SCAI: variants seen among roughly 807,000 people sequenced by gnomAD.
SCAI encodes the protein protein SCAI.
In SCAI, 24 loss-of-function variants were observed where a neutral mutation model predicts 92.2. The observed-to-expected ratio is 0.26, with a 90% confidence interval of 0.19 to 0.37. The LOEUF is 0.37. SCAI is among the 10% of genes least tolerant of loss of function. The pLI, the probability that SCAI is intolerant of heterozygous loss-of-function variation, is 1.00. For synonymous variants in SCAI, 261 were observed against 258.6 expected, an observed-to-expected ratio of 1.01 and a Z score of -0.09; for missense variants, 450 against 736.2, an observed-to-expected ratio of 0.61 and a Z score of 4.50.
intron 9 of SCAI, among the ~76,000 whole-genome samples, chr9:125,017,361 G>T (rs1832781254): frequency 6.6e-6 from 1 of 151,918 alleles, no homozygotes. Flanking sequence ...TTAAAAAAAA[G>T]TGAGAAAAAT....
At chr9:125,000,725 G>A (rs1367379742) in intron 12 of SCAI, among the ~76,000 whole-genome samples, 1 of 151,170 alleles carries the variant, frequency 6.6e-6, no homozygotes, top group Non-Finnish European at 1.5e-5. Context: ...AAAAATATTT[G>A]AATAGAATTT....
intron 6 of SCAI, among the ~76,000 whole-genome samples, chr9:125,025,742 C>T (rs1026557048): frequency 1.3e-5 from 2 of 152,100 alleles, no homozygotes; most frequent in African/African-American, 4.8e-5. Flanking sequence ...TGCAAACGCC[C>T]CTAGACAAGT....
chr9:125,115,387 A>AAC (rs1835023311), intron 2 of SCAI, among the ~76,000 whole-genome samples: 2 of 151,200 alleles, frequency 1.3e-5, no homozygotes. Flanking sequence ...AAAAAAAAAA[A>AAC]AAAAAAACTC....
intron 2 of SCAI, among the ~76,000 whole-genome samples, chr9:125,132,185 C>T (rs1169275902): frequency 6.6e-6 from 1 of 151,512 alleles, no homozygotes; most frequent in Non-Finnish European, 1.5e-5. Flanking sequence ...ACGATCTTGG[C>T]TCACTGCAAC....
chr9:125,074,563 T>G (rs1834049619), intron 2 of SCAI, among the ~76,000 whole-genome samples: 1 of 151,464 alleles, frequency 6.6e-6, no homozygotes, highest in South Asian at 2.1e-4. Context: ...TTCTGCCTTA[T>G]TTTCAGAATA....
intron 2 of SCAI, among the ~76,000 whole-genome samples, chr9:125,070,710 T>C (rs1462845841): frequency 1.3e-5 from 2 of 152,154 alleles, no homozygotes; most frequent in Admixed American, 1.3e-4. Flanking sequence ...AAACAATCTT[T>C]TTGTCTTATT....
At chr9:125,086,643 T>C (rs1834330552) in intron 2 of SCAI, among the ~76,000 whole-genome samples, 1 of 152,212 alleles carries the variant, frequency 6.6e-6, no homozygotes, top group African/African-American at 2.4e-5. Context: ...TGCAGATTAA[T>C]TATCAGGAGA....
intron 2 of SCAI, among the ~76,000 whole-genome samples, chr9:125,076,958 T>C (rs759392518): frequency 6.6e-6 from 1 of 152,066 alleles, no homozygotes; most frequent in Non-Finnish European, 1.5e-5. Flanking sequence ...TGCCTTGGCC[T>C]CCCAAAGTGC....
chr9:124,961,467 T>A (rs1157991557), intron 17 of SCAI, among the ~76,000 whole-genome samples: 2 of 151,580 alleles, frequency 1.3e-5, no homozygotes, highest in Non-Finnish European at 2.9e-5. Context: ...CTGGCCAATA[T>A]GGTGAAACTC....
At chr9:125,018,987 C>G (rs1471509681) in intron 8 of SCAI, 36 bp from the exon 9 acceptor site, 2 of 1,602,814 alleles carry the variant, frequency 1.2e-6, no homozygotes, top group East Asian at 2.2e-5. Flanking sequence ...AACGAATGGC[C>G]AAGACTAAAT....
At chr9:125,138,118 C>A (rs1395246014) in intron 2 of SCAI, among the ~76,000 whole-genome samples, 1 of 152,050 alleles carries the variant, frequency 6.6e-6, no homozygotes, top group Non-Finnish European at 1.5e-5. Context: ...TTAATCTTCT[C>A]ATTTTGAAAA....
intron 2 of SCAI, among the ~76,000 whole-genome samples, chr9:125,137,224 G>C (rs1835558326): frequency 6.6e-6 from 1 of 152,172 alleles, no homozygotes; most frequent in Non-Finnish European, 1.5e-5. Flanking sequence ...TACATGTGCT[G>C]GTTGTCCATT....
intron 3 of SCAI, among the ~76,000 whole-genome samples, chr9:125,030,938 T>A (rs557961907): frequency 2.6e-5 from 4 of 152,334 alleles, no homozygotes; most frequent in African/African-American, 9.6e-5. Flanking sequence ...TGCATAACTG[T>A]AAAATATATA....
rs1229225549 is a variant in SCAI at position 125,116,545 on chromosome 9, A to G, written c.98+26088T>C. ...TCACTGAATTTATTTTAAGATGTTT[A>G]AATTTTTTATTACAAGTAAAATTTT... On this transcript the variant is annotated intron_variant, in intron 2 of 17. Coordinates refer to ENST00000336505, the MANE Select transcript of SCAI (RefSeq NM_001144877.3). 3.3e-5 allele frequency among the ~76,000 whole-genome samples: 5 copies of G among 152,296 alleles called. No individual in the cohort carries two copies. In the East Asian group the frequency reaches 9.6e-4, roughly 29 times the overall value.
intron 12 of SCAI, among the ~76,000 whole-genome samples, chr9:125,001,535 C>A (rs979959492): frequency 1.3e-5 from 2 of 152,192 alleles, no homozygotes; most frequent in African/African-American, 4.8e-5. Context: ...ACACTGATTT[C>A]TACAAAGACT....
chr9:125,120,576 C>T (rs1441019824), intron 2 of SCAI, among the ~76,000 whole-genome samples: 1 of 152,110 alleles, frequency 6.6e-6, no homozygotes, highest in East Asian at 1.9e-4. Flanking sequence ...GCCTGTAATC[C>T]CAGCTACTCG....
At chr9:125,048,777 G>A (rs973174919) in intron 3 of SCAI, among the ~76,000 whole-genome samples, 3 of 151,362 alleles carry the variant, frequency 2.0e-5, no homozygotes, top group East Asian at 3.9e-4. Flanking sequence ...ATGGAGTTTC[G>A]CTCTTGTTGC....
intron 13 of SCAI, among the ~76,000 whole-genome samples, chr9:124,995,963 G>C (rs1832229594): frequency 6.6e-6 from 1 of 152,040 alleles, no homozygotes; most frequent in South Asian, 2.1e-4. Flanking sequence ...CGATGACTGA[G>C]TACACGATGT....
intron 2 of SCAI, among the ~76,000 whole-genome samples, chr9:125,103,958 A>G (rs961751647): frequency 6.6e-6 from 1 of 152,172 alleles, no homozygotes; most frequent in Non-Finnish European, 1.5e-5. Context: ...TTTTAATGAC[A>G]TCTAGGAAAG....
Sources: gnomAD v4.1 joint callset for allele counts (sites outside exome capture counted in the v4.1 genomes callset) on GRCh38, gnomAD v4.1.1 for gene constraint, MANE v1.5 for transcripts, NCBI Gene and HGNC (gene_info 2026-07-23, HGNC 2026-07-21) for gene names.